FSTL4: variants seen among roughly 807,000 people sequenced by gnomAD.
FSTL4 encodes the protein follistatin-related protein 4.
Under a neutral mutation model 78.2 loss-of-function variants are expected in FSTL4, and 28 were observed. The ratio of observed to expected loss-of-function variants is 0.36; its 90% confidence interval spans 0.27 to 0.49. The LOEUF is 0.49. Among genes scored for constraint, FSTL4 ranks in the 20% least tolerant of loss-of-function variants. FSTL4 has a pLI of 0.98. For synonymous variants in FSTL4, 422 were observed against 440.5 expected (o/e 0.96, Z 0.53); for missense variants, 922 against 1,084.9 (o/e 0.85, Z 2.11).
At chr5:133,201,885 C>T in intron 15 of FSTL4, 48 bp downstream of exon 15, 1 of 1,098,206 alleles carries the variant, frequency 9.1e-7, no homozygotes, top group Non-Finnish European at 1.4e-6. Flanking sequence ...CCTTGCAGGG[C>T]TGAGCTGGAG....
At chr5:133,581,510 C>T (rs1021459127) in intron 2 of FSTL4, among the ~76,000 whole-genome samples, 4 of 152,258 alleles carry the variant, frequency 2.6e-5, no homozygotes, top group Non-Finnish European at 5.9e-5. Flanking sequence ...AGGAATCACG[C>T]CAGCCTTAGC....
chr5:133,715,366 T>C, the FSTL4 span, among the ~76,000 whole-genome samples: 1 of 152,234 alleles, frequency 6.6e-6, no homozygotes, highest in African/African-American at 2.4e-5. Flanking sequence ...AGCTTCATGT[T>C]GATGTCAAGA....
chr5:133,420,213 C>T (rs1163706958), intron 3 of FSTL4, among the ~76,000 whole-genome samples: 1 of 152,216 alleles, frequency 6.6e-6, no homozygotes, highest in South Asian at 2.1e-4. Context: ...AACTAATCTA[C>T]GATGCTAGAA....
At chr5:133,625,747 CAT>C in the FSTL4 span, among the ~76,000 whole-genome samples, 42 of 50,528 alleles carry the variant, frequency 8.3e-4, 4 homozygotes, top group Admixed American at 4.9e-3. Flanking sequence ...ATATATATTC[CAT>C]ATATATATTC....
intron 14 of FSTL4, among the ~76,000 whole-genome samples, chr5:133,207,675 ACT>A (rs1046698503): frequency 1.3e-5 from 2 of 152,024 alleles, no homozygotes; most frequent in South Asian, 2.1e-4. Flanking sequence ...ACAGGGTCTC[ACT>A]CTGTCACCCA....
chr5:133,209,838 T>C, intron 14 of FSTL4: 1 of 214,996 alleles, frequency 4.7e-6, no homozygotes, highest in Non-Finnish European at 9.4e-6. Context: ...TAACATCTGC[T>C]GCTTGCTTTG....
Position 133,440,507 on chromosome 5 carries a change from C to T in FSTL4, c.161-39521G>A, listed in dbSNP as rs1237878200. On this transcript the variant is annotated intron_variant, in intron 3 of 15. Coordinates refer to ENST00000265342, the MANE Select transcript of FSTL4 (RefSeq NM_015082.2). This position sits in a 1 kb window ranked among gnomAD's most constrained non-coding sequence, Gnocchi z 4.1. ...TGGCAATGTCAGGCTTGAGCTGAGA[C>T]TTTAAATTCAACTTCCTGGGAGAAG... 6.6e-6 allele frequency among the ~76,000 whole-genome samples: 1 copy of T among 152,178 alleles called. No individual in the cohort carries two copies. The highest frequency in any genetic ancestry group is 2.4e-5 in the African/African-American group (1 of 41,444).
chr5:133,244,500 G>A (rs1027078091), intron 7 of FSTL4: 17 of 152,260 alleles, frequency 1.1e-4, no homozygotes, highest in African/African-American at 4.1e-4. Context: ...CAAATTACAG[G>A]CTGCACTTTG....
chr5:133,750,756 G>T, the FSTL4 span, among the ~76,000 whole-genome samples: 1 of 152,092 alleles, frequency 6.6e-6, no homozygotes, highest in Non-Finnish European at 1.5e-5. Context: ...CGGGCACAGG[G>T]TGGGCCTCAA....
intron 4 of FSTL4, among the ~76,000 whole-genome samples, chr5:133,354,693 A>G (rs1186603784): frequency 6.6e-6 from 1 of 152,240 alleles, no homozygotes; most frequent in East Asian, 1.9e-4. Flanking sequence ...AGATACTGGT[A>G]TAACTAAGGG....
At chr5:133,796,951 C>G in the FSTL4 span, among the ~76,000 whole-genome samples, 1 of 152,128 alleles carries the variant, frequency 6.6e-6, no homozygotes, top group African/African-American at 2.4e-5. Context: ...TGAACAGTGC[C>G]CATCCTTGGC....
intron 3 of FSTL4, among the ~76,000 whole-genome samples, chr5:133,494,285 G>A (rs1395211850): frequency 3.3e-5 from 5 of 151,508 alleles, no homozygotes; most frequent in Non-Finnish European, 5.9e-5. Flanking sequence ...TGATGGTTTT[G>A]CAACTTTTAC....
chr5:133,641,728 T>A, the FSTL4 span, among the ~76,000 whole-genome samples: 1 of 152,332 alleles, frequency 6.6e-6, no homozygotes, highest in Admixed American at 6.5e-5. Flanking sequence ...AATATATGCA[T>A]ACAATGAAAT....
At chr5:133,349,277 T>C (rs1396101636) in intron 4 of FSTL4, among the ~76,000 whole-genome samples, 18 of 141,490 alleles carry the variant, frequency 1.3e-4, no homozygotes, top group Admixed American at 1.2e-3. Flanking sequence ...GGTGCTCCCC[T>C]GTTGAAAGCC....
At chr5:133,565,376 C>T (rs62374587) in intron 3 of FSTL4, among the ~76,000 whole-genome samples, 6,481 of 152,252 alleles carry the variant, frequency 0.043, 200 homozygotes, top group Non-Finnish European at 0.067. Context: ...TAGAACCAGC[C>T]GGCAAGGTCC....
At chr5:133,353,786 C>T (rs1171842442) in intron 4 of FSTL4, among the ~76,000 whole-genome samples, 1 of 152,266 alleles carries the variant, frequency 6.6e-6, no homozygotes, top group African/African-American at 2.4e-5. Flanking sequence ...AGGCATGCTG[C>T]CTGCGGGGCT....
At chr5:133,540,720 CAAAAAAAAA>C (rs79162509) in intron 3 of FSTL4, among the ~76,000 whole-genome samples, 1 of 70,256 alleles carries the variant, frequency 1.4e-5, no homozygotes, top group African/African-American at 5.7e-5. Flanking sequence ...TTAACATAGG[CAAAAAAAAA>C]AAAAAAAAAA....
the FSTL4 span, among the ~76,000 whole-genome samples, chr5:133,771,395 T>C: frequency 2.0e-5 from 3 of 152,128 alleles, no homozygotes; most frequent in Non-Finnish European, 4.4e-5. Flanking sequence ...ATTTCTTTAA[T>C]CAGTGTTTTG....
chr5:133,460,949 CA>C (rs1314078384), intron 3 of FSTL4, among the ~76,000 whole-genome samples: 1 of 152,198 alleles, frequency 6.6e-6, no homozygotes, highest in Non-Finnish European at 1.5e-5. Flanking sequence ...TTTCTTATAA[CA>C]TTGGATTCCA....
Sources: gnomAD v4.1 joint callset for allele counts (sites outside exome capture counted in the v4.1 genomes callset) on GRCh38, gnomAD v4.1.1 for gene constraint, Gnocchi (gnomAD v3.1) non-coding constraint, MANE v1.5 for transcripts, NCBI Gene and HGNC (gene_info 2026-07-23, HGNC 2026-07-21) for gene names.